The following RALGPS2 variants were observed in gnomAD, a reference collection of about 807,000 sequenced individuals.
The protein encoded by RALGPS2 is Ral GEF with PH domain and SH3 binding motif 2.
RALGPS2 carries 43 observed loss-of-function variants against 86.8 expected under a neutral mutation model. The observed-to-expected ratio is 0.50, with a 90% CI of 0.39 to 0.64. The LOEUF (loss-of-function observed/expected upper bound fraction) is 0.64, where lower values mean the gene tolerates loss of function less well. Ranked by LOEUF, RALGPS2 falls within the 30% of genes least tolerant of loss-of-function variation. The pLI is 0.00. For synonymous variants in RALGPS2, 243 were observed against 231.3 expected, an observed-to-expected ratio of 1.05 and a Z score of -0.46; for missense variants, 536 against 694.6, an observed-to-expected ratio of 0.77 and a Z score of 2.57.
chr1:178,898,880 C>T (rs2102401481), intron 17 of RALGPS2, among the ~76,000 whole-genome samples: 1 of 151,992 alleles, frequency 6.6e-6, no homozygotes, highest in African/African-American at 2.4e-5. Flanking sequence ...TACCCTACAA[C>T]ATTTACATAG....
chr1:178,742,630 C>G (rs1169800508), intron 1 of RALGPS2, among the ~76,000 whole-genome samples: 3 of 152,142 alleles, frequency 2.0e-5, no homozygotes, highest in African/African-American at 7.2e-5. Flanking sequence ...TACAGAATCT[C>G]CACCCAACAA....
chr1:178,786,595 A>G (rs534775733), intron 4 of RALGPS2, among the ~76,000 whole-genome samples: 10 of 151,794 alleles, frequency 6.6e-5, no homozygotes, highest in African/African-American at 1.4e-4. Context: ...AACAGTGACA[A>G]TTGTCTTTGG....
intron 4 of RALGPS2, among the ~76,000 whole-genome samples, chr1:178,797,813 A>G (rs116696673): frequency 0.036 from 5,455 of 151,990 alleles, 120 homozygotes; most frequent in African/African-American, 0.055. Flanking sequence ...TCCCTGTGCT[A>G]CCTCTTTATA....
At chr1:178,902,265 T>A in intron 18 of RALGPS2, 54 bp downstream of exon 18, 1 of 1,288,896 alleles carries the variant, frequency 7.8e-7, no homozygotes, top group Non-Finnish European at 1.1e-6. Context: ...TTTGTGTATA[T>A]GTATGTATGT....
intron 1 of RALGPS2, among the ~76,000 whole-genome samples, chr1:178,746,022 A>G (rs1277762020): frequency 4.0e-5 from 6 of 151,838 alleles, no homozygotes; most frequent in East Asian, 1.9e-4. Context: ...GGGTTTCACT[A>G]TGTTGGCCAG....
chr1:178,813,400 C>G (rs144761243), intron 6 of RALGPS2, among the ~76,000 whole-genome samples: 161 of 152,312 alleles, frequency 1.1e-3, no homozygotes, highest in African/African-American at 3.5e-3. Context: ...AACTTCAGTT[C>G]AGACTTTGAA....
chr1:178,777,365 A>G (rs1378474532), intron 2 of RALGPS2, among the ~76,000 whole-genome samples: 1 of 152,060 alleles, frequency 6.6e-6, no homozygotes, highest in Non-Finnish European at 1.5e-5. Flanking sequence ...AAGGAGAACT[A>G]CAAACCACTG....
intron 1 of RALGPS2, among the ~76,000 whole-genome samples, chr1:178,739,799 A>T (rs932851094): frequency 1.3e-5 from 2 of 152,240 alleles, no homozygotes; most frequent in African/African-American, 4.8e-5. Context: ...GACTTAAGGG[A>T]ACAGGCAGTA....
chr1:178,909,798 TGCCACCACGCCCA>T (rs1172539329), intron 19 of RALGPS2, among the ~76,000 whole-genome samples: 1 of 151,774 alleles, frequency 6.6e-6, no homozygotes, highest in East Asian at 1.9e-4. Flanking sequence ...TACAGGCGTA[TGCCACCACGCCCA>T]GCTAATTTTT....
intron 8 of RALGPS2, chr1:178,852,674 C>T: frequency 1.2e-6 from 2 of 1,600,234 alleles, no homozygotes; most frequent in Non-Finnish European, 1.7e-6. Context: ...GAAAGTTTTT[C>T]ATACTTACCT....
At chr1:178,838,873 G>A (rs1325690948) in intron 8 of RALGPS2, among the ~76,000 whole-genome samples, 5 of 152,184 alleles carry the variant, frequency 3.3e-5, no homozygotes. Flanking sequence ...ACATGCACAA[G>A]CTTCAGTAGC....
chr1:178,759,544 T>G (rs1253729192), intron 1 of RALGPS2, among the ~76,000 whole-genome samples: 2 of 145,202 alleles, frequency 1.4e-5, no homozygotes, highest in East Asian at 2.0e-4. Flanking sequence ...TTTTTTTTTT[T>G]GCCCAAGATT....
chr1:178,739,613 G>A (rs1395200210), intron 1 of RALGPS2, among the ~76,000 whole-genome samples: 2 of 152,178 alleles, frequency 1.3e-5, no homozygotes, highest in African/African-American at 4.8e-5. Flanking sequence ...GATGAGGTGG[G>A]ACTAAATATT....
chr1:178,906,945 A>T, intron 19 of RALGPS2, 78 bp downstream of exon 19: 1 of 1,279,846 alleles, frequency 7.8e-7, no homozygotes, highest in Non-Finnish European at 1.1e-6. Flanking sequence ...AAGTAAACAG[A>T]CTAGTTCTGA....
At chr1:178,762,899 TATG>T (rs1160321111) in intron 1 of RALGPS2, among the ~76,000 whole-genome samples, 6 of 152,172 alleles carry the variant, frequency 3.9e-5, no homozygotes, top group Non-Finnish European at 8.8e-5. Context: ...GAGTCTTTGT[TATG>T]ATATCTTTGC....
intron 17 of RALGPS2, among the ~76,000 whole-genome samples, chr1:178,898,100 T>C (rs997155453): frequency 1.3e-5 from 2 of 152,028 alleles, no homozygotes; most frequent in Non-Finnish European, 2.9e-5. Flanking sequence ...CAATCTCTGG[T>C]TCAGTGATTC....
intron 1 of RALGPS2, among the ~76,000 whole-genome samples, chr1:178,733,468 C>T (rs1046437328): frequency 3.3e-5 from 5 of 152,302 alleles, no homozygotes; most frequent in Non-Finnish European, 7.4e-5. Context: ...TTAAAAAGTA[C>T]TGATACATAA....
intron 2 of RALGPS2, among the ~76,000 whole-genome samples, chr1:178,783,510 G>T (rs1358845832): frequency 6.6e-6 from 1 of 152,122 alleles, no homozygotes; most frequent in Non-Finnish European, 1.5e-5. Context: ...TAATGATCGT[G>T]GCTCGATACT....
intron 8 of RALGPS2, among the ~76,000 whole-genome samples, chr1:178,863,239 T>A (rs1658155343): frequency 6.6e-6 from 1 of 152,014 alleles, no homozygotes; most frequent in South Asian, 2.1e-4. Flanking sequence ...CAGTGGACTG[T>A]GTATGGGGCA....
Sources: gnomAD v4.1 joint callset for allele counts (sites outside exome capture counted in the v4.1 genomes callset) on GRCh38, gnomAD v4.1.1 for gene constraint, MANE v1.5 for transcripts, NCBI Gene and HGNC (gene_info 2026-07-23, HGNC 2026-07-21) for gene names.